CCDC12: variants seen among roughly 807,000 people sequenced by gnomAD.
The protein encoded by CCDC12 is coiled-coil domain containing 12, also known as coiled-coil domain-containing protein 12.
CCDC12 carries 28 observed loss-of-function variants against 25.7 expected under a neutral mutation model. The observed-to-expected ratio is 1.09, with a 90% confidence interval of 0.81 to 1.50. The LOEUF (loss-of-function observed/expected upper bound fraction) is 1.50. Among genes scored for constraint, CCDC12 ranks in the 40% most tolerant of loss-of-function variants. CCDC12 has a pLI of 0.00. For synonymous variants in CCDC12, 75 were observed against 87.7 expected (o/e 0.86, Z 0.81); for missense variants, 198 against 210.0 (o/e 0.94, Z 0.35).
In CCDC12 at chr3:46,942,225, G is replaced by A. The variant is rs138663598; in HGVS notation, c.97-1160C>T. ...CTGTGGACAAACTGACGCAGGGCGT[G>A]TGTGCACATGCACAAATTCGTGTGA... On this transcript the variant is annotated intron_variant, in intron 1 of 6. Coordinates refer to ENST00000683445, the MANE Select transcript of CCDC12 (RefSeq NM_001277074.2). Among the ~76,000 whole-genome samples, 210 of 152,384 alleles carry A rather than the reference G, an allele frequency of 1.4e-3. 1 individual carries two copies. The highest frequency in any genetic ancestry group is 4.7e-3 in the African/African-American group (196 of 41,596).
chr3:46,928,625 G>C (rs1430048561), intron 2 of CCDC12, among the ~76,000 whole-genome samples: 1 of 152,150 alleles, frequency 6.6e-6, no homozygotes, highest in Non-Finnish European at 1.5e-5. Flanking sequence ...ACCATGAAAT[G>C]GTATCTCAGA....
At chr3:46,933,790 T>C (rs1269277129) in intron 2 of CCDC12, among the ~76,000 whole-genome samples, 1 of 152,194 alleles carries the variant, frequency 6.6e-6, no homozygotes, top group Non-Finnish European at 1.5e-5. Flanking sequence ...AAAGTGTATT[T>C]ACCAAAAGAT....
intron 1 of CCDC12, among the ~76,000 whole-genome samples, chr3:46,964,354 A>G (rs1000500687): frequency 1.5e-5 from 2 of 136,308 alleles, no homozygotes; most frequent in African/African-American, 2.8e-5. Context: ...CCGCCCGGCC[A>G]GCCGCCCCGT....
At chr3:46,923,900 G>A (rs887873351) in intron 3 of CCDC12, 1 of 399,392 alleles carries the variant, frequency 2.5e-6, no homozygotes, top group Admixed American at 4.3e-5. Flanking sequence ...GACAGCAGGA[G>A]GCAGCCAGCC....
chr3:46,950,193 C>T (rs1274250981), intron 1 of CCDC12, among the ~76,000 whole-genome samples: 2 of 152,098 alleles, frequency 1.3e-5, no homozygotes, highest in East Asian at 1.9e-4. Context: ...TGCCCTGACA[C>T]AAAAACCAAG....
intron 1 of CCDC12, among the ~76,000 whole-genome samples, chr3:46,974,829 C>G (rs2034915238): frequency 2.6e-5 from 4 of 152,214 alleles, no homozygotes; most frequent in Admixed American, 2.6e-4. Context: ...AACTACGGCC[C>G]TCATTGGTCT....
intron 3 of CCDC12, chr3:46,925,084 C>T: frequency 2.6e-6 from 1 of 387,450 alleles, no homozygotes; most frequent in African/African-American, 2.1e-5. Flanking sequence ...GTCTCTGACC[C>T]ACCCAGGGCC....
chr3:46,949,928 G>A (rs951953737), intron 1 of CCDC12, among the ~76,000 whole-genome samples: 36 of 151,608 alleles, frequency 2.4e-4, no homozygotes, highest in African/African-American at 8.2e-4. Context: ...TCGGGAGGCT[G>A]AGGCAGGAGA....
At chr3:46,980,068 G>A (rs1227025866), upstream of CCDC12, among the ~76,000 whole-genome samples, 3 of 151,668 alleles carry the variant, frequency 2.0e-5, no homozygotes, top group Non-Finnish European at 4.4e-5. Flanking sequence ...CCGCACACAC[G>A]TGTGTGCCCC....
chr3:46,975,050 T>C (rs1205817997), intron 1 of CCDC12, among the ~76,000 whole-genome samples: 1 of 152,186 alleles, frequency 6.6e-6, no homozygotes, highest in Non-Finnish European at 1.5e-5. Flanking sequence ...TCCATTACGT[T>C]GGAAAGATGA....
At chr3:46,954,113 A>T (rs1012908687) in intron 1 of CCDC12, among the ~76,000 whole-genome samples, 1 of 15,408 alleles carries the variant, frequency 6.5e-5, no homozygotes, top group African/African-American at 6.9e-5. Flanking sequence ...CACAGTGGAC[A>T]GTCAGAGGAA....
chr3:46,936,925 C>T (rs2033467074), intron 2 of CCDC12, among the ~76,000 whole-genome samples: 2 of 152,166 alleles, frequency 1.3e-5, no homozygotes, highest in Non-Finnish European at 2.9e-5. Flanking sequence ...AGCTGAGTGG[C>T]CGTGTGGGAT....
chr3:46,973,960 G>C (rs1390303849), intron 1 of CCDC12, among the ~76,000 whole-genome samples: 1 of 152,140 alleles, frequency 6.6e-6, no homozygotes, highest in Admixed American at 6.5e-5. Flanking sequence ...GCAAAACGTA[G>C]AAGCAACCCA....
chr3:46,940,897 G>T, intron 2 of CCDC12, 101 bp downstream of exon 2: 2 of 1,122,616 alleles, frequency 1.8e-6, no homozygotes, highest in Non-Finnish European at 2.7e-6. Flanking sequence ...AGAGGGGAGG[G>T]AACAGGGCAG....
At chr3:46,979,592 C>T (rs557809681), upstream of CCDC12, 1 of 270,646 alleles carries the variant, frequency 3.7e-6, no homozygotes, top group African/African-American at 2.2e-5. Flanking sequence ...AGGCTCTCCG[C>T]CCTTTACATG....
At chr3:46,974,193 G>A (rs1388998114) in intron 1 of CCDC12, among the ~76,000 whole-genome samples, 4 of 152,198 alleles carry the variant, frequency 2.6e-5, no homozygotes. Context: ...CTGGGGAAAG[G>A]GGGAATGGAG....
chr3:46,926,905 G>T (rs73067052), intron 2 of CCDC12, among the ~76,000 whole-genome samples: 2 of 152,210 alleles, frequency 1.3e-5, no homozygotes, highest in Non-Finnish European at 2.9e-5. Context: ...CCAGGTAAAA[G>T]TGCTGCTGAC....
intron 1 of CCDC12, among the ~76,000 whole-genome samples, chr3:46,955,790 A>C (rs2034272523): frequency 6.6e-6 from 1 of 152,216 alleles, no homozygotes; most frequent in Non-Finnish European, 1.5e-5. Context: ...TAGGAGAGCC[A>C]CCTTCTCACC....
At chr3:46,971,422 G>A (rs1436625409) in intron 1 of CCDC12, among the ~76,000 whole-genome samples, 2 of 152,186 alleles carry the variant, frequency 1.3e-5, no homozygotes, top group Non-Finnish European at 2.9e-5. Context: ...CTCAGCCTTG[G>A]ACATCCCAGC....
Sources: gnomAD v4.1 joint callset for allele counts (sites outside exome capture counted in the v4.1 genomes callset) on GRCh38, gnomAD v4.1.1 for gene constraint, MANE v1.5 for transcripts, NCBI Gene and HGNC (gene_info 2026-07-23, HGNC 2026-07-21) for gene names.